The following AGO3 variants were observed in gnomAD, a reference collection of about 807,000 sequenced individuals.
The protein encoded by AGO3 is argonaute RISC catalytic component 3, also known as protein argonaute-3.
A neutral mutation model predicts 105.5 loss-of-function variants in AGO3; 16 were observed. The ratio of observed to expected loss-of-function variants is 0.15; its 90% CI spans 0.10 to 0.23. AGO3 has a LOEUF of 0.23. Among genes scored for constraint, AGO3 ranks in the 10% least tolerant of loss-of-function variants. The probability of loss-of-function intolerance (pLI) is 1.00; values close to 1 mark genes in which losing one functional copy is unlikely to be tolerated. For synonymous variants in AGO3, 340 were observed against 367.3 expected, an observed-to-expected ratio of 0.93 and a Z score of 0.85; for missense variants, 534 against 1,088.0, an observed-to-expected ratio of 0.49 and a Z score of 7.16.
At chr1:35,939,169 G>A (rs1646207695) in intron 1 of AGO3, among the ~76,000 whole-genome samples, 1 of 151,956 alleles carries the variant, frequency 6.6e-6, no homozygotes, top group East Asian at 1.9e-4. Context: ...TGTATTGACA[G>A]AATTGTTTCA....
chr1:36,043,647 A>T (rs1382782817), intron 17 of AGO3, 99 bp downstream of exon 17: 1 of 994,776 alleles, frequency 1.0e-6, no homozygotes, highest in East Asian at 2.7e-5. Context: ...TACTCTTTGC[A>T]TTCCAAATTG....
intron 1 of AGO3, among the ~76,000 whole-genome samples, chr1:35,942,254 C>T (rs1316854333): frequency 6.6e-6 from 1 of 152,164 alleles, no homozygotes; most frequent in Non-Finnish European, 1.5e-5. Flanking sequence ...ATTCCTGATA[C>T]AAACTCATTC....
chr1:36,043,665 A>G (rs2148853057), intron 17 of AGO3, 117 bp downstream of exon 17: 2 of 810,536 alleles, frequency 2.5e-6, no homozygotes, highest in Non-Finnish European at 3.8e-6. Flanking sequence ...TTGTTTCCAC[A>G]TGAAATTAGA....
At chr1:36,018,340 A>C (rs923598613) in intron 11 of AGO3, among the ~76,000 whole-genome samples, 1 of 61,634 alleles carries the variant, frequency 1.6e-5, no homozygotes, top group Non-Finnish European at 8.7e-5. Context: ...CTGACTGATT[A>C]TGAAGCAAAA....
At position 35,932,166 on chromosome 1, in the gene AGO3, A is replaced by G. The variant is rs191618981; in HGVS notation, c.19+721A>G. Among the ~76,000 whole-genome samples the G allele has an allele frequency of 3.4e-3, 513 of 152,320 alleles. 10 individuals are homozygous for G. Among genetic ancestry groups the G allele is most frequent in the East Asian group, 9.6e-4 (5 of 5,190 alleles). On this transcript the variant is annotated intron_variant, in intron 1 of 18. Coordinates refer to ENST00000373191, the MANE Select transcript of AGO3 (RefSeq NM_024852.4). ...CAAGAGCAGCAGTTTTGCAGTCTTA[A>G]GAGAAAATTGCAACATGGATAGTAC...
intron 1 of AGO3, among the ~76,000 whole-genome samples, chr1:35,935,772 T>C (rs540460708): frequency 1.3e-5 from 2 of 152,250 alleles, no homozygotes; most frequent in Non-Finnish European, 2.9e-5. Flanking sequence ...CATCGGTTTC[T>C]ATATTCTTAA....
At chr1:35,956,163 A>T (rs1045106661) in intron 2 of AGO3, among the ~76,000 whole-genome samples, 1 of 152,180 alleles carries the variant, frequency 6.6e-6, no homozygotes, top group Non-Finnish European at 1.5e-5. Flanking sequence ...AGTGGCAATA[A>T]TGATGATGGA....
At position 36,057,513 on chromosome 1, in the gene AGO3, G is replaced by T. The variant is rs1397547067; in HGVS notation, c.*1768G>T. 1 of 151,860 alleles carries T rather than the reference G, an allele frequency of 6.6e-6. No individual in the cohort carries two copies. The highest frequency in any genetic ancestry group is 2.4e-5 in the African/African-American group (1 of 41,326). The allele number at this position is 151,860 out of a possible 1,614,324, so 9.4% of individuals were successfully genotyped here. On this transcript the variant is annotated 3_prime_UTR_variant, in exon 19 of 19. Transcript: ENST00000373191. ...TTTTAAGAACTGACAACTTGTTTTT[G>T]CTATCTTTTAGTGCAATAAGCAGTT...
chr1:36,021,177 C>T (rs1229765180), intron 11 of AGO3, among the ~76,000 whole-genome samples: 1 of 152,046 alleles, frequency 6.6e-6, no homozygotes, highest in East Asian at 1.9e-4. Context: ...TGTGATCTGC[C>T]CACCTCAGCC....
At position 35,987,086 on chromosome 1, in the gene AGO3, G is replaced by A. The variant is rs533109316; in HGVS notation, c.658+13575G>A. On this transcript the variant is annotated intron_variant, in intron 5 of 18. Transcript: ENST00000373191. ...CTCATGCCTGTAACCCTAGCACTTC[G>A]GGAGGCCAAGGCAGGTGGATCACTT... is the stretch of plus-strand genomic sequence containing the variant. Among the ~76,000 whole-genome samples, 9 of 151,950 alleles carry A rather than the reference G, an allele frequency of 5.9e-5. No homozygotes were observed. The East Asian group carries it at 1.6e-3, about 26-fold the overall frequency.
chr1:35,987,733 C>T (rs1188732953), intron 5 of AGO3, among the ~76,000 whole-genome samples: 5 of 150,000 alleles, frequency 3.3e-5, no homozygotes, highest in Admixed American at 6.7e-5. Flanking sequence ...CAAAGTATAA[C>T]GTGCCATTGG....
At chr1:36,043,174 T>C (rs898506256) in intron 16 of AGO3, 2 of 318,040 alleles carry the variant, frequency 6.3e-6, no homozygotes, top group Non-Finnish European at 1.1e-5. Context: ...AAATTTTTTT[T>C]AGTGTCTTCC....
rs139188340 is a variant in AGO3, at chr1:35,989,718, T to A, written c.659-14623T>A. 2.0e-5 allele frequency among the ~76,000 whole-genome samples: 3 copies of A among 151,936 alleles called. No individual in the cohort carries two copies. In the East Asian group the frequency reaches 5.8e-4, roughly 29 times the overall value. ...GGTGAAACCCTGTCTCTACAAAAAATATAAAAATTAGCCAGGCGTGATAGC... is the reference window on the plus strand; with the variant it reads ...GGTGAAACCCTGTCTCTACAAAAAAAATAAAAATTAGCCAGGCGTGATAGC... On this transcript the variant is annotated intron_variant, in intron 5 of 18. Transcript: ENST00000373191.
chr1:36,052,807 T>C (rs530629660), intron 17 of AGO3, among the ~76,000 whole-genome samples: 1 of 151,978 alleles, frequency 6.6e-6, no homozygotes, highest in East Asian at 1.9e-4. Flanking sequence ...AGCCCAAGAG[T>C]TGGAGACCAG....
chr1:35,969,076 C>T (rs138148520), intron 3 of AGO3, among the ~76,000 whole-genome samples: 258 of 152,042 alleles, frequency 1.7e-3, no homozygotes, highest in African/African-American at 6.0e-3. Context: ...AAGTTGTTTG[C>T]CCATTTTTTG....
At chr1:36,014,118 C>A in intron 11 of AGO3, 70 bp downstream of exon 11, 1 of 1,587,266 alleles carries the variant, frequency 6.3e-7, no homozygotes, top group South Asian at 1.1e-5. Context: ...ATCTAATGTT[C>A]TAACAGATGT....
chr1:35,936,765 T>A (rs745964558), intron 1 of AGO3, among the ~76,000 whole-genome samples: 1 of 152,202 alleles, frequency 6.6e-6, no homozygotes, highest in Non-Finnish European at 1.5e-5. Context: ...AGAGACGGGA[T>A]CTTACTATGT....
chr1:35,952,158 T>C (rs1272450440), intron 2 of AGO3, among the ~76,000 whole-genome samples: 1 of 145,604 alleles, frequency 6.9e-6, no homozygotes, highest in African/African-American at 2.6e-5. Context: ...CTTTTTTTTT[T>C]TTTTTTTTGA....
chr1:35,994,229 A>G (rs1648048188), intron 5 of AGO3, among the ~76,000 whole-genome samples: 1 of 151,640 alleles, frequency 6.6e-6, no homozygotes, highest in African/African-American at 2.4e-5. Flanking sequence ...GATTATAGCC[A>G]TAAGCCACCA....
Sources: gnomAD v4.1 joint callset for allele counts (sites outside exome capture counted in the v4.1 genomes callset) on GRCh38, gnomAD v4.1.1 for gene constraint, MANE v1.5 for transcripts, NCBI Gene and HGNC (gene_info 2026-07-23, HGNC 2026-07-21) for gene names.